Variants in FIGN observed in about 807,000 individuals in gnomAD.
The protein encoded by FIGN is fidgetin.
FIGN carries 11 observed loss-of-function variants against 51.3 expected under a neutral mutation model. That is an observed-to-expected ratio of 0.21 (90% CI 0.13 to 0.35). The LOEUF is 0.35. FIGN is among the 10% of genes least tolerant of loss of function. The pLI is 1.00. For synonymous variants in FIGN, 407 were observed against 363.2 expected (o/e 1.12, Z -1.37); for missense variants, 857 against 943.6 (o/e 0.91, Z 1.20).
chr2:163,695,935 C>T (rs565306991), intron 2 of FIGN, among the ~76,000 whole-genome samples: 1 of 151,974 alleles, frequency 6.6e-6, no homozygotes, highest in Admixed American at 6.6e-5. Context: ...TGGTGAAACC[C>T]CAGGGTCTCT....
In FIGN at chr2:163,651,221, G is replaced by C. The variant is rs1366035825; in HGVS notation, c.26-39415C>G. 2.0e-5 allele frequency among the ~76,000 whole-genome samples: 3 copies of C among 152,278 alleles called. No homozygotes were observed. In the South Asian group the frequency reaches 6.2e-4, roughly 32 times the overall value. ...GCTCACGCCTGTATCCCAGCCCTTTGGGAGGCCAAGGCATGTGGATCACGA... is the reference window on the plus strand; with the variant it reads ...GCTCACGCCTGTATCCCAGCCCTTTCGGAGGCCAAGGCATGTGGATCACGA... On this transcript the variant is annotated intron_variant, in intron 2 of 2. Transcript: ENST00000333129.
chr2:163,628,658 G>GA (rs1247575222), intron 2 of FIGN, among the ~76,000 whole-genome samples: 5 of 152,014 alleles, frequency 3.3e-5, no homozygotes, highest in Admixed American at 2.6e-4. Flanking sequence ...CTCCACAAAA[G>GA]ATTTCAGAGG....
rs758742525 is a variant in FIGN, at chr2:163,611,248, T to C, written c.584A>G (p.His195Arg). The C allele has an allele frequency of 1.9e-6, 3 of 1,614,108 alleles. No individual in the cohort carries two copies. The highest frequency in any genetic ancestry group is 2.2e-5 in the East Asian group (1 of 44,848). ...YAPGYNGSYLHSTYSSQPAPA... is the reference protein window; with the variant it reads ...YAPGYNGSYLRSTYSSQPAPA... Reference sequence around the variant, plus strand: ...TGCTGGCTGGCTACTATAAGTAGAATGCAAATATGATCCGTTGTATCCTGG... The same window carrying C: ...TGCTGGCTGGCTACTATAAGTAGAACGCAAATATGATCCGTTGTATCCTGG... The change falls in exon 3 of 3, where the codon CAT becomes CGT. Residue 195 changes from histidine to arginine, a missense_variant. This residue lies in a region of FIGN where 799 missense variants were observed against 849.5 expected (regional missense o/e 0.94). Coordinates refer to ENST00000333129, the MANE Select transcript of FIGN (RefSeq NM_018086.4).
At chr2:163,612,044 CTA>C (rs1691275713) in intron 2 of FIGN, among the ~76,000 whole-genome samples, 1 of 152,130 alleles carries the variant, frequency 6.6e-6, no homozygotes. Flanking sequence ...CTGTAGTTAC[CTA>C]TATTTTTTGC....
At chr2:163,718,762 AAG>A (rs1421050979) in intron 2 of FIGN, among the ~76,000 whole-genome samples, 3 of 152,070 alleles carry the variant, frequency 2.0e-5, no homozygotes, top group Non-Finnish European at 4.4e-5. Context: ...GTTAGAAAGC[AAG>A]AGAGAGATTG....
At chr2:163,649,033 C>T (rs76747831) in intron 2 of FIGN, among the ~76,000 whole-genome samples, 1,682 of 152,222 alleles carry the variant, frequency 0.011, 15 homozygotes, top group Non-Finnish European at 0.019. Flanking sequence ...TAATGAGGTA[C>T]TCTATTCACC....
intron 2 of FIGN, among the ~76,000 whole-genome samples, chr2:163,658,786 A>T (rs889448977): frequency 2.6e-5 from 4 of 152,224 alleles, no homozygotes; most frequent in African/African-American, 4.8e-5. Context: ...TTGGGGATCA[A>T]ATTTCAACAT....
rs529237222 is a variant in FIGN, at chr2:163,668,017, C to G, written c.26-56211G>C. 1.1e-4 allele frequency among the ~76,000 whole-genome samples: 16 copies of G among 147,642 alleles called. 3 individuals are homozygous for G. The highest frequency in any genetic ancestry group is 3.3e-4 in the African/African-American group (13 of 39,144). Reference sequence around the variant, plus strand: ...AAAGAGAACACCCCTACCTCCAACCCCCCCCCCCAAAAAACCCTCCACAAG... The same window carrying G: ...AAAGAGAACACCCCTACCTCCAACCGCCCCCCCCAAAAAACCCTCCACAAG... On this transcript the variant is annotated intron_variant, in intron 2 of 2. Transcript: ENST00000333129.
Position 163,609,340 on chromosome 2 carries a change from C to A in FIGN, c.*212G>T. On this transcript the variant is annotated 3_prime_UTR_variant, in exon 3 of 3. Coordinates refer to ENST00000333129, the MANE Select transcript of FIGN (RefSeq NM_018086.4). The stretch of plus-strand genomic sequence containing the variant: ...GAACAGAACTGAGCATCCACATATG[C>A]TTTCTGTCATCTGGGGCTTTCAAAT... The A allele has an allele frequency of 1.7e-6, 1 of 571,730 alleles. No individual in the cohort carries two copies. Among genetic ancestry groups the A allele is most frequent in the Non-Finnish European group, 3.1e-6 (1 of 324,504 alleles). 35.4% of individuals were successfully genotyped at this position (571,730 alleles called of 1,614,324 possible).
At chr2:163,662,781 G>A (rs371437070) in intron 2 of FIGN, among the ~76,000 whole-genome samples, 12 of 152,202 alleles carry the variant, frequency 7.9e-5, no homozygotes, top group Middle Eastern at 3.2e-3. Context: ...GACCTGAATC[G>A]GGGGAGGTAA....
At chr2:163,667,912 C>G (rs1043108965) in intron 2 of FIGN, among the ~76,000 whole-genome samples, 4 of 151,970 alleles carry the variant, frequency 2.6e-5, no homozygotes, top group Non-Finnish European at 5.9e-5. Context: ...TATGTGTGTA[C>G]GTCTTTGAAT....
chr2:163,633,814 C>T (rs1043528945), intron 2 of FIGN, among the ~76,000 whole-genome samples: 14 of 152,160 alleles, frequency 9.2e-5, no homozygotes, highest in African/African-American at 2.9e-4. Context: ...CAGAACCTAT[C>T]GATTCAATGA....
chr2:163,638,448 C>G (rs1683258808), intron 2 of FIGN, among the ~76,000 whole-genome samples: 1 of 151,776 alleles, frequency 6.6e-6, no homozygotes, highest in Non-Finnish European at 1.5e-5. Flanking sequence ...TAATTGCTCA[C>G]AGAGTCAATT....
intron 2 of FIGN, among the ~76,000 whole-genome samples, chr2:163,653,604 C>T (rs566491172): frequency 5.1e-4 from 77 of 152,110 alleles, no homozygotes; most frequent in African/African-American, 1.7e-3. Context: ...TACTTTAAGG[C>T]ATTAGTATTA....
chr2:163,688,106 G>GATACATGT (rs1684182497), intron 2 of FIGN, among the ~76,000 whole-genome samples: 1 of 152,132 alleles, frequency 6.6e-6, no homozygotes, highest in Non-Finnish European at 1.5e-5. Context: ...TCACAAAGAA[G>GATACATGT]ATACATGTAT....
chr2:163,655,004 C>CT (rs1683537391), intron 2 of FIGN, among the ~76,000 whole-genome samples: 1 of 152,104 alleles, frequency 6.6e-6, no homozygotes, highest in South Asian at 2.1e-4. Flanking sequence ...TGTAAACCAC[C>CT]TTTTATTGTA....
At chr2:163,624,708 A>ATTTT (rs34598500) in intron 2 of FIGN, among the ~76,000 whole-genome samples, 1 of 145,494 alleles carries the variant, frequency 6.9e-6, no homozygotes, top group African/African-American at 2.5e-5. Flanking sequence ...ATATATATAT[A>ATTTT]TTTTTTTTTT....
intron 2 of FIGN, among the ~76,000 whole-genome samples, chr2:163,715,488 A>T (rs990589670): frequency 1.3e-5 from 2 of 152,172 alleles, no homozygotes; most frequent in Admixed American, 1.3e-4. Flanking sequence ...CTGACTCAGG[A>T]ATGGACTCTG....
intron 2 of FIGN, among the ~76,000 whole-genome samples, chr2:163,689,037 G>A (rs372614946): frequency 1.2e-3 from 181 of 152,160 alleles, no homozygotes; most frequent in African/African-American, 4.1e-3. Context: ...GCACACACCT[G>A]TAGTCCTAGC....
Sources: gnomAD v4.1 joint callset for allele counts (sites outside exome capture counted in the v4.1 genomes callset) on GRCh38, gnomAD v4.1.1 for gene constraint, gnomAD v4.1.1 regional missense constraint, MANE v1.5 for transcripts, NCBI Gene and HGNC (gene_info 2026-07-23, HGNC 2026-07-21) for gene names.